NAALADL2: variants seen among roughly 807,000 people sequenced by gnomAD.
The protein encoded by NAALADL2 is N-acetylated alpha-linked acidic dipeptidase like 2, also known as inactive N-acetylated-alpha-linked acidic dipeptidase-like protein 2.
In NAALADL2, 76 loss-of-function variants were observed where a neutral mutation model predicts 87.2. The observed-to-expected ratio is 0.87, with a 90% CI of 0.72 to 1.05. The LOEUF (loss-of-function observed/expected upper bound fraction) is 1.05, where lower values mean the gene tolerates loss of function less well. Ranked by LOEUF, NAALADL2 falls within the 50% of genes least tolerant of loss-of-function variation. The pLI is 0.00. For synonymous variants in NAALADL2, 354 were observed against 331.0 expected (o/e 1.07, Z -0.75); for missense variants, 1,089 against 945.8 (o/e 1.15, Z -1.99).
At chr3:175,206,439 C>CAG (rs1426245955) in intron 2 of NAALADL2, among the ~76,000 whole-genome samples, 2 of 151,428 alleles carry the variant, frequency 1.3e-5, no homozygotes, top group African/African-American at 4.9e-5. Context: ...TGAAGGCTAT[C>CAG]ATTCTAAGTG....
rs144532389 is a variant in NAALADL2 at position 175,369,143 on chromosome 3, A to G, written c.1090+44818A>G. 3.3e-3 allele frequency among the ~76,000 whole-genome samples: 502 copies of G among 152,328 alleles called. 3 individuals are homozygous for G. The highest frequency in any genetic ancestry group is 0.011 in the African/African-American group (444 of 41,580). On this transcript the variant is annotated intron_variant, in intron 5 of 13. Transcript: ENST00000454872. ...GCCACTAGAGTTTTTCAGCTCCACT[A>G]TAATCTATGGAACCACCCTCATGTA...
rs976607295 is a variant in NAALADL2, at chr3:174,476,503, T to A, written c.-184+35471T>A. Among the ~76,000 whole-genome samples, 18 of 152,126 alleles carry A rather than the reference T, an allele frequency of 1.2e-4. No homozygotes were observed. The South Asian group carries it at 2.9e-3, about 24-fold the overall frequency. ...TCTCTCCTCTTATATTTCCTTATAGTGTCCAAATTTTTTCAATGCTTATTC... is the reference window on the plus strand; with the variant it reads ...TCTCTCCTCTTATATTTCCTTATAGAGTCCAAATTTTTTCAATGCTTATTC... On this transcript the variant is annotated intron_variant, in intron 1 of 3. Coordinates refer to the NAALADL2 transcript ENST00000434257.
intron 1 of NAALADL2, among the ~76,000 whole-genome samples, chr3:174,479,919 CAAAG>C (rs1225594140): frequency 6.6e-6 from 1 of 151,860 alleles, no homozygotes; most frequent in Non-Finnish European, 1.5e-5. Flanking sequence ...TCTTGGGAAT[CAAAG>C]AAGTTTATGA....
intron 13 of NAALADL2, among the ~76,000 whole-genome samples, chr3:175,781,770 T>C (rs1220534793): frequency 6.6e-6 from 1 of 152,082 alleles, no homozygotes; most frequent in East Asian, 1.9e-4. Flanking sequence ...TGCAGGTTAG[T>C]TACATATGTA....
chr3:174,999,776 TAA>T (rs1351351404), intron 1 of NAALADL2, among the ~76,000 whole-genome samples: 1 of 152,146 alleles, frequency 6.6e-6, no homozygotes, highest in African/African-American at 2.4e-5. Context: ...TTTTCAATAT[TAA>T]AGTTATTAAA....
intron 1 of NAALADL2, among the ~76,000 whole-genome samples, chr3:174,442,456 C>A (rs1714733730): frequency 6.6e-6 from 1 of 152,064 alleles, no homozygotes; most frequent in Non-Finnish European, 1.5e-5. Flanking sequence ...AAAAGTAACT[C>A]CTCTTAATAA....
intron 1 of NAALADL2, among the ~76,000 whole-genome samples, chr3:174,447,579 T>A (rs1426443240): frequency 4.6e-5 from 7 of 151,946 alleles, no homozygotes; most frequent in Admixed American, 4.6e-4. Context: ...GCACTTTGGG[T>A]GGCCGAGGTG....
chr3:174,721,491 C>T (rs185347818), intron 2 of NAALADL2, among the ~76,000 whole-genome samples: 10 of 152,216 alleles, frequency 6.6e-5, no homozygotes, highest in Admixed American at 4.6e-4. Flanking sequence ...CCCTGAATTC[C>T]GTAATTTTGA....
At chr3:175,531,717 G>A (rs1734108127) in intron 9 of NAALADL2, among the ~76,000 whole-genome samples, 1 of 152,228 alleles carries the variant, frequency 6.6e-6, no homozygotes, top group Admixed American at 6.5e-5. Context: ...CTGCATACCA[G>A]GTACCAGGAG....
At chr3:174,850,717 GAAATCAAC>G (rs1725147138) in intron 3 of NAALADL2, among the ~76,000 whole-genome samples, 1 of 152,002 alleles carries the variant, frequency 6.6e-6, no homozygotes, top group East Asian at 1.9e-4. Flanking sequence ...ACCCAGATAA[GAAATCAAC>G]AAATCAACAT....
At chr3:174,515,044 C>T (rs1396943066) in intron 1 of NAALADL2, among the ~76,000 whole-genome samples, 3 of 151,728 alleles carry the variant, frequency 2.0e-5, no homozygotes, top group African/African-American at 7.3e-5. Flanking sequence ...ATTTCAGAAA[C>T]GAAACAAAGA....
At chr3:175,424,834 C>A (rs1334446534) in intron 5 of NAALADL2, among the ~76,000 whole-genome samples, 2 of 152,088 alleles carry the variant, frequency 1.3e-5, no homozygotes, top group Admixed American at 1.3e-4. Flanking sequence ...ACATAAATAT[C>A]TGGGTGGCAT....
intron 1 of NAALADL2, among the ~76,000 whole-genome samples, chr3:174,876,301 T>C (rs1560311443): frequency 6.6e-6 from 1 of 152,142 alleles, no homozygotes; most frequent in African/African-American, 2.4e-5. Context: ...ACCATGAAGC[T>C]GTTGATATTT....
intron 1 of NAALADL2, among the ~76,000 whole-genome samples, chr3:174,499,015 T>C (rs563430769): frequency 6.6e-5 from 10 of 152,254 alleles, no homozygotes; most frequent in African/African-American, 1.9e-4. Context: ...ATTATTAAAG[T>C]ATATTATTAC....
chr3:174,635,506 GT>G (rs11285134), intron 2 of NAALADL2, among the ~76,000 whole-genome samples: 88,842 of 139,396 alleles, frequency 0.64, 29,028 homozygotes, highest in East Asian at 0.85. Context: ...GGTGGTTGTG[GT>G]TTTTTTTTTT....
At chr3:174,773,032 C>G (rs1342920045) in intron 3 of NAALADL2, among the ~76,000 whole-genome samples, 1 of 152,086 alleles carries the variant, frequency 6.6e-6, no homozygotes, top group Non-Finnish European at 1.5e-5. Flanking sequence ...ATAGTGAGAA[C>G]AAAAATAATG....
chr3:175,544,205 G>T (rs527334435), intron 9 of NAALADL2, among the ~76,000 whole-genome samples: 3 of 152,184 alleles, frequency 2.0e-5, no homozygotes, highest in Admixed American at 2.0e-4. Context: ...ACAAAGCAAG[G>T]TGAGAGTCCT....
intron 5 of NAALADL2, among the ~76,000 whole-genome samples, chr3:175,351,682 A>G (rs901394537): frequency 3.9e-5 from 6 of 152,112 alleles, no homozygotes; most frequent in Admixed American, 2.0e-4. Context: ...GTAGGTCACA[A>G]CCAGCGAATT....
At chr3:175,010,610 T>A (rs989175475) in intron 1 of NAALADL2, among the ~76,000 whole-genome samples, 1 of 152,190 alleles carries the variant, frequency 6.6e-6, no homozygotes, top group African/African-American at 2.4e-5. Context: ...TTTGTTTGTT[T>A]GAAGTCATGG....
Sources: gnomAD v4.1 joint callset for allele counts (sites outside exome capture counted in the v4.1 genomes callset) on GRCh38, gnomAD v4.1.1 for gene constraint, MANE v1.5 for transcripts, NCBI Gene and HGNC (gene_info 2026-07-23, HGNC 2026-07-21) for gene names.